MDGA2: variants seen among roughly 807,000 people sequenced by gnomAD.
The protein encoded by MDGA2 is MAM domain containing glycosylphosphatidylinositol anchor 2.
In MDGA2, 40 loss-of-function variants were observed where a neutral mutation model predicts 117.8. The observed-to-expected ratio is 0.34, with a 90% CI of 0.26 to 0.44. MDGA2 has a LOEUF of 0.44. Ranked by LOEUF, MDGA2 falls within the 20% of genes least tolerant of loss-of-function variation. The pLI, the probability that MDGA2 is intolerant of heterozygous loss-of-function variation, is 1.00. For missense variants in MDGA2, 1,123 were observed against 1,250.6 expected, an observed-to-expected ratio of 0.90 and a Z score of 1.54; for synonymous variants, 452 against 439.0, an observed-to-expected ratio of 1.03 and a Z score of -0.37.
At chr14:47,653,753 G>C (rs547478497) in intron 1 of MDGA2, among the ~76,000 whole-genome samples, 1 of 152,098 alleles carries the variant, frequency 6.6e-6, no homozygotes, top group East Asian at 1.9e-4. Context: ...GCAAGACAGC[G>C]GAAAAAGAGG....
intron 1 of MDGA2, among the ~76,000 whole-genome samples, chr14:47,588,247 T>TAC (rs1566528780): frequency 1.6e-5 from 2 of 124,268 alleles, no homozygotes; most frequent in Non-Finnish European, 3.4e-5. Context: ...GATATATATA[T>TAC]ATATATATAT....
chr14:47,304,833 T>C (rs1889391931), intron 1 of MDGA2, among the ~76,000 whole-genome samples: 1 of 152,110 alleles, frequency 6.6e-6, no homozygotes, highest in Non-Finnish European at 1.5e-5. Context: ...CAAAGAACCC[T>C]GAGATTTTAA....
chr14:46,989,046 A>T (rs1886976997), intron 8 of MDGA2, among the ~76,000 whole-genome samples: 1 of 152,106 alleles, frequency 6.6e-6, no homozygotes, highest in African/African-American at 2.4e-5. Context: ...TAAACAAACC[A>T]AGTCACAGAT....
intron 1 of MDGA2, among the ~76,000 whole-genome samples, chr14:47,667,024 A>T (rs1339862101): frequency 6.6e-6 from 1 of 152,212 alleles, no homozygotes; most frequent in Admixed American, 6.5e-5. Flanking sequence ...AACTCCGGAC[A>T]CACTGCCTTT....
chr14:47,095,652 T>C (rs1179294755), intron 6 of MDGA2, among the ~76,000 whole-genome samples: 1 of 151,996 alleles, frequency 6.6e-6, no homozygotes, highest in Admixed American at 6.6e-5. Flanking sequence ...GTACATATAA[T>C]AAATATTGTA....
At chr14:46,917,847 T>G (rs1883962088) in intron 10 of MDGA2, among the ~76,000 whole-genome samples, 1 of 152,098 alleles carries the variant, frequency 6.6e-6, no homozygotes, top group Non-Finnish European at 1.5e-5. Context: ...CAAAAAATAT[T>G]ACAGAGGATA....
intron 1 of MDGA2, among the ~76,000 whole-genome samples, chr14:47,455,619 T>C (rs112976389): frequency 6.5e-4 from 99 of 152,314 alleles, no homozygotes; most frequent in African/African-American, 2.2e-3. Flanking sequence ...ATCTTGAATA[T>C]AAGACAAAGA....
intron 2 of MDGA2, among the ~76,000 whole-genome samples, chr14:47,259,678 G>A (rs992524172): frequency 4.6e-5 from 7 of 151,986 alleles, no homozygotes; most frequent in Admixed American, 1.3e-4. Context: ...AAAGAATGGC[G>A]ATATATAAAA....
At position 46,960,949 on chromosome 14, in the gene MDGA2, T is replaced by TAC. The variant is rs57182570; in HGVS notation, c.1820-3308_1820-3307dup. On this transcript the variant is annotated intron_variant, in intron 8 of 16. Transcript: ENST00000399232. ...ATATATGTGTATGCGTATATATATA[T>TAC]ACACACACACACACACACACATAAA... Among the ~76,000 whole-genome samples, 1,021 of 147,842 alleles carry TAC rather than the reference T, an allele frequency of 6.9e-3. 6 individuals carry two copies. The highest frequency in any genetic ancestry group is 8.6e-3 in the Non-Finnish European group (577 of 67,130).
intron 1 of MDGA2, among the ~76,000 whole-genome samples, chr14:47,487,380 C>T (rs1894082842): frequency 6.6e-6 from 1 of 152,096 alleles, no homozygotes. Context: ...AAAACTCACA[C>T]CTTGGGCAGC....
chr14:47,210,578 T>G (rs983517270), intron 3 of MDGA2, among the ~76,000 whole-genome samples: 1 of 151,874 alleles, frequency 6.6e-6, no homozygotes, highest in Non-Finnish European at 1.5e-5. Context: ...TATGAAACCG[T>G]TTTTTTTCCT....
rs1423129869 is a variant in MDGA2, at chr14:47,063,122, G to GA, written c.1196-1545dup. 1.2e-4 allele frequency among the ~76,000 whole-genome samples: 18 copies of GA among 151,880 alleles called. 1 individual carries two copies. The Admixed American group carries it at 1.2e-3, about 10-fold the overall frequency. ...ACAACATTTATGATACTTATGTCTA[G>GA]AAAAACCACAGACATATATAGCGAT... On this transcript the variant is annotated intron_variant, in intron 6 of 16. Coordinates refer to ENST00000399232, the MANE Select transcript of MDGA2 (RefSeq NM_001113498.3).
At chr14:47,389,399 C>T (rs926654518) in intron 1 of MDGA2, among the ~76,000 whole-genome samples, 14 of 152,154 alleles carry the variant, frequency 9.2e-5, no homozygotes, top group African/African-American at 2.7e-4. Flanking sequence ...ATATATTGTG[C>T]GTGTTTCTTA....
chr14:47,061,541 A>C lies in MDGA2; in HGVS notation c.1233T>G (p.Pro411=). Residue 411 remains proline (P), a synonymous_variant, in exon 7 of 17, where the codon CCT becomes CCG. Transcript: ENST00000399232. ...TCTGGATGTTGTCATCTTTGTGATA[A>C]GGATCTGGTGTGATCCAAAATCGTC... The part of the protein sequence containing the change: ...KKGRFWITPD[P]YHKDDNIQIG... The C allele has an allele frequency of 6.2e-7, 1 of 1,613,254 alleles. No homozygotes were observed. The highest frequency in any genetic ancestry group is 1.1e-5 in the South Asian group (1 of 91,062).
intron 1 of MDGA2, among the ~76,000 whole-genome samples, chr14:47,515,301 T>C (rs527573256): frequency 6.6e-6 from 1 of 152,270 alleles, no homozygotes; most frequent in South Asian, 2.1e-4. Flanking sequence ...TTTTCAGTAA[T>C]GCTGCTGGAC....
chr14:46,854,662 A>C (rs992535151), intron 15 of MDGA2, among the ~76,000 whole-genome samples: 3 of 151,870 alleles, frequency 2.0e-5, no homozygotes, highest in African/African-American at 7.2e-5. Flanking sequence ...AAAAATTCAA[A>C]CAGATTGAGA....
intron 8 of MDGA2, among the ~76,000 whole-genome samples, chr14:46,982,301 TA>T (rs1315020091): frequency 6.6e-6 from 1 of 152,092 alleles, no homozygotes; most frequent in African/African-American, 2.4e-5. Flanking sequence ...ATACTATGAT[TA>T]AAATGGTGTA....
chr14:47,569,350 TC>T (rs1157338499), intron 1 of MDGA2, among the ~76,000 whole-genome samples: 1 of 152,182 alleles, frequency 6.6e-6, no homozygotes, highest in African/African-American at 2.4e-5. Context: ...AGGGGATGGA[TC>T]TTGAGTACTG....
At chr14:47,033,259 CAG>C (rs754688743) in intron 8 of MDGA2, among the ~76,000 whole-genome samples, 6 of 152,148 alleles carry the variant, frequency 3.9e-5, no homozygotes, top group Non-Finnish European at 7.4e-5. Flanking sequence ...CTATGGAGAA[CAG>C]AGATTCTGAT....
Sources: gnomAD v4.1 joint callset for allele counts (sites outside exome capture counted in the v4.1 genomes callset) on GRCh38, gnomAD v4.1.1 for gene constraint, MANE v1.5 for transcripts, NCBI Gene and HGNC (gene_info 2026-07-23, HGNC 2026-07-21) for gene names.